Variants in ASTN1 observed in about 807,000 individuals in gnomAD.
ASTN1 encodes the protein astrotactin 1.
A neutral mutation model predicts 140.7 loss-of-function variants in ASTN1; 41 were observed. The ratio of observed to expected loss-of-function variants is 0.29; its 90% CI spans 0.23 to 0.38. The LOEUF is 0.38. ASTN1 is among the 10% of genes least tolerant of loss of function. The pLI is 1.00. For synonymous variants in ASTN1, 640 were observed against 652.2 expected, an observed-to-expected ratio of 0.98 and a Z score of 0.29; for missense variants, 1,479 against 1,678.8, an observed-to-expected ratio of 0.88 and a Z score of 2.08.
chr1:176,941,479 C>T (rs1671710527), intron 14 of ASTN1, among the ~76,000 whole-genome samples: 1 of 152,134 alleles, frequency 6.6e-6, no homozygotes, highest in Non-Finnish European at 1.5e-5. Flanking sequence ...TAAAAGTGTC[C>T]CATCTGGGCA....
intron 16 of ASTN1, among the ~76,000 whole-genome samples, chr1:176,907,878 C>T (rs1670066159): frequency 1.3e-5 from 2 of 152,162 alleles, no homozygotes; most frequent in African/African-American, 2.4e-5. Context: ...ATCATTATGT[C>T]CAAAAGAAGG....
At chr1:177,099,674 C>T (rs1411986896) in intron 1 of ASTN1, among the ~76,000 whole-genome samples, 2 of 152,100 alleles carry the variant, frequency 1.3e-5, no homozygotes, top group South Asian at 2.1e-4. Context: ...TCCTGTGCTC[C>T]ACTTTCTTTG....
intron 17 of ASTN1, among the ~76,000 whole-genome samples, chr1:176,892,854 G>A (rs1201828970): frequency 2.0e-5 from 3 of 152,150 alleles, no homozygotes; most frequent in South Asian, 2.1e-4. Context: ...ACAGAACAGC[G>A]GATGGCAAAG....
intron 9 of ASTN1, among the ~76,000 whole-genome samples, chr1:176,959,943 T>C (rs1382760763): frequency 1.3e-5 from 2 of 152,104 alleles, no homozygotes; most frequent in Non-Finnish European, 2.9e-5. Context: ...GGAAAGCTTG[T>C]TACTTAGGGG....
At chr1:176,883,575 C>T (rs1668901860) in intron 19 of ASTN1, among the ~76,000 whole-genome samples, 1 of 152,216 alleles carries the variant, frequency 6.6e-6, no homozygotes, top group South Asian at 2.1e-4. Flanking sequence ...TCAGCAATAC[C>T]TGTGCGCATC....
chr1:176,863,615 C>T lies in ASTN1; in HGVS notation c.*669G>A. 1 of 985,466 alleles carries T rather than the reference C, an allele frequency of 1.0e-6. No individual in the cohort carries two copies. The highest frequency in any genetic ancestry group is 1.2e-6 in the Non-Finnish European group (1 of 830,018). The allele number at this position is 985,466 out of a possible 1,614,324, so 61.0% of individuals were successfully genotyped here. On this transcript the variant is annotated 3_prime_UTR_variant, in exon 23 of 23. Coordinates refer to ENST00000361833, the MANE Select transcript of ASTN1 (RefSeq NM_004319.3). Reference sequence around the variant, plus strand: ...AGATCTGACAGAGGGAGATTTAATCCCAGTCCTGGCTTAAAATAAGGAAGG... The same window carrying T: ...AGATCTGACAGAGGGAGATTTAATCTCAGTCCTGGCTTAAAATAAGGAAGG...
In ASTN1 at chr1:177,162,819, T is replaced by C. The variant is rs371134248; in HGVS notation, c.283+1575A>G. On this transcript the variant is annotated intron_variant, in intron 1 of 22. Coordinates refer to ENST00000361833, the MANE Select transcript of ASTN1 (RefSeq NM_004319.3). ...TTCCATCCTCCAAATAACCCAGTAA[T>C]TGTACATTTTGATGAGCGGCATATC... Among the ~76,000 whole-genome samples the C allele has an allele frequency of 2.4e-4, 36 of 152,282 alleles. No homozygotes were observed. In the South Asian group the frequency reaches 7.5e-3, roughly 32 times the overall value.
chr1:177,164,280 G>A, intron 1 of ASTN1, 114 bp downstream of exon 1: 1 of 1,158,578 alleles, frequency 8.6e-7, no homozygotes, highest in East Asian at 2.6e-5. Flanking sequence ...GATCCGGGAG[G>A]TAGGAGTGGG....
intron 1 of ASTN1, among the ~76,000 whole-genome samples, chr1:177,077,215 T>A (rs1678959090): frequency 6.6e-6 from 1 of 151,986 alleles, no homozygotes. Flanking sequence ...TCAGGGACTT[T>A]CCCCCTCAAT....
intron 1 of ASTN1, among the ~76,000 whole-genome samples, chr1:177,140,636 A>C (rs933250557): frequency 6.6e-6 from 1 of 152,204 alleles, no homozygotes; most frequent in Admixed American, 6.5e-5. Context: ...ATTTGCAATC[A>C]TTCCTTACTA....
intron 1 of ASTN1, among the ~76,000 whole-genome samples, chr1:177,095,479 T>TCC (rs986477481): frequency 2.6e-5 from 4 of 151,516 alleles, no homozygotes; most frequent in Non-Finnish European, 5.9e-5. Flanking sequence ...AAGGCTCCAT[T>TCC]CCCCACCCTG....
At chr1:176,891,530 A>G (rs755487536) in intron 17 of ASTN1, among the ~76,000 whole-genome samples, 2 of 152,202 alleles carry the variant, frequency 1.3e-5, no homozygotes, top group African/African-American at 2.4e-5. Context: ...ACGGTGGCTC[A>G]TGCCTGTAAT....
intron 1 of ASTN1, among the ~76,000 whole-genome samples, chr1:177,156,283 A>C (rs574749179): frequency 6.6e-5 from 10 of 151,112 alleles, no homozygotes; most frequent in Admixed American, 1.3e-4. Flanking sequence ...AAAAAAAAAA[A>C]CAAAAAACCC....
intron 8 of ASTN1, among the ~76,000 whole-genome samples, chr1:176,990,824 A>C (rs1485893234): frequency 1.3e-5 from 2 of 152,078 alleles, no homozygotes; most frequent in African/African-American, 4.8e-5. Flanking sequence ...TATCAACATC[A>C]CATTATCAGC....
At chr1:177,137,919 G>C (rs1682275245) in intron 1 of ASTN1, among the ~76,000 whole-genome samples, 1 of 152,316 alleles carries the variant, frequency 6.6e-6, no homozygotes, top group East Asian at 1.9e-4. Flanking sequence ...AGAAAATGAT[G>C]AGAATAGGGT....
intron 16 of ASTN1, among the ~76,000 whole-genome samples, chr1:176,910,199 C>T (rs1013772562): frequency 2.6e-5 from 4 of 152,158 alleles, no homozygotes; most frequent in Admixed American, 1.3e-4. Flanking sequence ...CAGTAAGAAG[C>T]GAATGTTATC....
rs145045632 is a variant in ASTN1 at position 176,962,564 on chromosome 1, TAAAC to T, written c.1598+2595_1598+2598del. On this transcript the variant is annotated intron_variant, in intron 9 of 22. Transcript: ENST00000361833. ...AAATAGGCAGTTGAAAAATAAATAT[TAAAC>T]AAAATAATTGACAAATACATATTAA... is the stretch of plus-strand genomic sequence containing the variant. Among the ~76,000 whole-genome samples the T allele has an allele frequency of 7.7e-3, 1,173 of 152,250 alleles. 10 individuals are homozygous for T. The highest frequency in any genetic ancestry group is 0.027 in the African/African-American group (1,132 of 41,552).
chr1:176,981,193 C>T lies in ASTN1; in HGVS notation c.1524-15956G>A, dbSNP rs1673596148. Among the ~76,000 whole-genome samples, 3 of 103,116 alleles carry T rather than the reference C, an allele frequency of 2.9e-5. No individual in the cohort carries two copies. The South Asian group carries it at 1.0e-3, about 36-fold the overall frequency. 67.6% of individuals were successfully genotyped at this position (103,116 alleles called of 152,430 possible). On this transcript the variant is annotated intron_variant, in intron 8 of 22. Coordinates refer to ENST00000361833, the MANE Select transcript of ASTN1 (RefSeq NM_004319.3). ...CACCACTCAACTCCAGCCTGGGTGA[C>T]AGAAGGAGACTCTGTCTCAAAAAAA...
At chr1:176,977,125 C>G (rs1315333639) in intron 8 of ASTN1, among the ~76,000 whole-genome samples, 1 of 152,082 alleles carries the variant, frequency 6.6e-6, no homozygotes. Flanking sequence ...GATTTTATGT[C>G]AGGAAAAATT....
Sources: gnomAD v4.1 joint callset for allele counts (sites outside exome capture counted in the v4.1 genomes callset) on GRCh38, gnomAD v4.1.1 for gene constraint, MANE v1.5 for transcripts, NCBI Gene and HGNC (gene_info 2026-07-23, HGNC 2026-07-21) for gene names.